APBB2: variants seen among roughly 807,000 people sequenced by gnomAD.
The protein encoded by APBB2 is Fe65-like 1.
In APBB2, 38 loss-of-function variants were observed where a neutral mutation model predicts 82.5. The ratio of observed to expected loss-of-function variants is 0.46; its 90% CI spans 0.36 to 0.60. APBB2 has a LOEUF of 0.60. Ranked by LOEUF, APBB2 falls within the 20% of genes least tolerant of loss-of-function variation. The pLI is 0.00. For synonymous variants in APBB2, 341 were observed against 368.2 expected, an observed-to-expected ratio of 0.93 and a Z score of 0.85; for missense variants, 772 against 972.3, an observed-to-expected ratio of 0.79 and a Z score of 2.74.
intron 3 of APBB2, among the ~76,000 whole-genome samples, chr4:41,066,728 A>C (rs1731996804): frequency 6.6e-6 from 1 of 152,228 alleles, no homozygotes; most frequent in Non-Finnish European, 1.5e-5. Flanking sequence ...CACTCTCTAG[A>C]GTGAGGCCTG....
chr4:40,881,072 T>C (rs1041676093), intron 12 of APBB2: 2 of 985,250 alleles, frequency 2.0e-6, no homozygotes, highest in Middle Eastern at 5.2e-4. Context: ...CCCATCATGA[T>C]TAATGGAAGG....
At chr4:40,898,729 C>T (rs868290563) in intron 10 of APBB2, among the ~76,000 whole-genome samples, 3 of 150,492 alleles carry the variant, frequency 2.0e-5, no homozygotes, top group Non-Finnish European at 3.0e-5. Flanking sequence ...CACAACAGGC[C>T]GGGCATGGTG....
intron 12 of APBB2, among the ~76,000 whole-genome samples, chr4:40,836,603 C>A (rs1466961540): frequency 6.6e-6 from 1 of 152,134 alleles, no homozygotes; most frequent in African/African-American, 2.4e-5. Flanking sequence ...AAAAAAATTG[C>A]TGGGGAAGAG....
chr4:41,181,285 C>T (rs952140960), intron 1 of APBB2, among the ~76,000 whole-genome samples: 5 of 152,134 alleles, frequency 3.3e-5, no homozygotes, highest in African/African-American at 1.2e-4. Flanking sequence ...TTTTGTTTCA[C>T]GCTACTCTTT....
chr4:40,975,792 C>CACACAAT, intron 6 of APBB2, among the ~76,000 whole-genome samples: 1 of 87,094 alleles, frequency 1.1e-5, no homozygotes, highest in Non-Finnish European at 2.7e-5. Context: ...ACACACACAA[C>CACACAAT]AACCACTCTA....
At chr4:41,032,950 AATTTTTGT>A (rs1263495728) in intron 5 of APBB2, among the ~76,000 whole-genome samples, 2 of 150,230 alleles carry the variant, frequency 1.3e-5, no homozygotes, top group Non-Finnish European at 3.0e-5. Context: ...ATGCCCGGCT[AATTTTTGT>A]ATTTTTAGTA....
At chr4:41,166,696 G>T (rs1766740143) in intron 1 of APBB2, among the ~76,000 whole-genome samples, 1 of 152,088 alleles carries the variant, frequency 6.6e-6, no homozygotes. Context: ...AAGAGTTTGA[G>T]ACCAGCCTGA....
intron 12 of APBB2, among the ~76,000 whole-genome samples, chr4:40,833,908 T>A (rs549748619): frequency 6.6e-6 from 1 of 152,352 alleles, no homozygotes; most frequent in South Asian, 2.1e-4. Context: ...ATTATTCCTA[T>A]CGAACTTCGG....
chr4:41,152,257 T>A (rs1160052144), intron 1 of APBB2, among the ~76,000 whole-genome samples: 1 of 152,092 alleles, frequency 6.6e-6, no homozygotes, highest in Non-Finnish European at 1.5e-5. Flanking sequence ...ATATTCTATA[T>A]CAGATAATTC....
chr4:40,950,043 G>A (rs902010582), intron 6 of APBB2, among the ~76,000 whole-genome samples: 17 of 152,150 alleles, frequency 1.1e-4, no homozygotes, highest in African/African-American at 3.9e-4. Flanking sequence ...GACCAACTGC[G>A]GGGGCTACTG....
intron 12 of APBB2, among the ~76,000 whole-genome samples, chr4:40,852,644 C>CT (rs549084774): frequency 0.087 from 12,634 of 145,990 alleles, 753 homozygotes; most frequent in East Asian, 0.18. Flanking sequence ...AAGTCAAAGT[C>CT]TTTTTTTTTT....
At chr4:41,077,313 A>G (rs1735989722) in intron 3 of APBB2, among the ~76,000 whole-genome samples, 1 of 150,756 alleles carries the variant, frequency 6.6e-6, no homozygotes, top group Admixed American at 6.6e-5. Flanking sequence ...ACAGCCAGGG[A>G]TTTTTTTTTA....
chr4:40,909,104 T>C (rs1777870839), intron 10 of APBB2, among the ~76,000 whole-genome samples: 1 of 152,202 alleles, frequency 6.6e-6, no homozygotes, highest in Non-Finnish European at 1.5e-5. Flanking sequence ...GTGGCCCTGC[T>C]CTTGCCCTTA....
chr4:40,864,406 C>T (rs747211925), intron 12 of APBB2, among the ~76,000 whole-genome samples: 2 of 152,258 alleles, frequency 1.3e-5, no homozygotes, highest in Non-Finnish European at 2.9e-5. Context: ...CTTGCACTCA[C>T]GTAAGGATGT....
At chr4:41,003,088 G>C (rs1033358202) in intron 6 of APBB2, among the ~76,000 whole-genome samples, 1 of 152,070 alleles carries the variant, frequency 6.6e-6, no homozygotes, top group African/African-American at 2.4e-5. Context: ...TAAATATTAA[G>C]CTTTGCCATG....
At chr4:41,165,863 T>C (rs1766398047) in intron 1 of APBB2, among the ~76,000 whole-genome samples, 1 of 148,112 alleles carries the variant, frequency 6.8e-6, no homozygotes, top group East Asian at 2.0e-4. Flanking sequence ...TGCCAGCATG[T>C]CAGGCCCCCT....
At position 40,988,859 on chromosome 4, in the gene APBB2, G is replaced by T. The variant is rs190506212; in HGVS notation, c.835+24724C>A. ...TGGCTCACTGCAGCCTCCGCTTCCC[G>T]GGTTCAAGCAATTCTCCTGCCTCAG... On this transcript the variant is annotated intron_variant, in intron 6 of 17. Transcript: ENST00000508593. Among the ~76,000 whole-genome samples the T allele has an allele frequency of 8.6e-5, 13 of 150,824 alleles. No homozygotes were observed. In the East Asian group the frequency reaches 2.6e-3, roughly 31 times the overall value.
chr4:40,991,174 G>GT (rs1801959161), intron 6 of APBB2, among the ~76,000 whole-genome samples: 1 of 78,714 alleles, frequency 1.3e-5, no homozygotes, highest in Non-Finnish European at 2.5e-5. Flanking sequence ...TGTGTGTTTT[G>GT]CTTTTTTTTT....
Position 40,896,066 on chromosome 4 carries a change from G to T in APBB2, c.1255-2655C>A, listed in dbSNP as rs1359140812. On this transcript the variant is annotated intron_variant, in intron 10 of 17. Transcript: ENST00000508593. Reference sequence around the variant, plus strand: ...ATAAACAGCCGGTGACCTCAATACAGTTCTTTTTTTTTTTTTGAGACAGGG... The same window carrying T: ...ATAAACAGCCGGTGACCTCAATACATTTCTTTTTTTTTTTTTGAGACAGGG... Among the ~76,000 whole-genome samples the T allele has an allele frequency of 3.4e-5, 5 of 145,942 alleles. No individual in the cohort carries two copies. The East Asian group carries it at 1.0e-3, about 29-fold the overall frequency.
Sources: allele counts gnomAD v4.1 joint callset (sites outside exome capture counted in the v4.1 genomes callset), GRCh38; gene constraint gnomAD v4.1.1; transcripts MANE v1.5; gene names NCBI Gene and HGNC (gene_info 2026-07-23, HGNC 2026-07-21).